The following THSD4 variants were observed in gnomAD, a reference collection of about 807,000 sequenced individuals.
THSD4 encodes thrombospondin type-1 domain-containing protein 4.
Under a neutral mutation model 119.0 loss-of-function variants are expected in THSD4, and 69 were observed. The observed-to-expected ratio is 0.58, with a 90% CI of 0.48 to 0.71. THSD4 has a LOEUF of 0.71. THSD4 is among the 30% of genes least tolerant of loss of function. The pLI, the probability that THSD4 is intolerant of heterozygous loss-of-function variation, is 0.00. For synonymous variants in THSD4, 524 were observed against 540.4 expected (o/e 0.97, Z 0.42); for missense variants, 1,393 against 1,391.1 (o/e 1.00, Z -0.02).
chr15:71,730,750 T>C, intron 9 of THSD4: 1 of 185,500 alleles, frequency 5.4e-6, no homozygotes. Flanking sequence ...CACCTAGTGT[T>C]AAAACAGTTC....
intron 7 of THSD4, among the ~76,000 whole-genome samples, chr15:71,608,601 T>G (rs188712946): frequency 1.2e-3 from 187 of 152,334 alleles, no homozygotes; most frequent in Admixed American, 3.3e-3. Flanking sequence ...TGGCCTTGTT[T>G]CGGATTATGC....
rs921769367 is a variant in THSD4, at chr15:71,512,604, A to G, written c.1152+100781A>G. Among the ~76,000 whole-genome samples, 7 of 152,326 alleles carry G rather than the reference A, an allele frequency of 4.6e-5. No individual in the cohort carries two copies. The East Asian group carries it at 9.6e-4, about 21-fold the overall frequency. ...AGTTTAAGCTAATATTTAACATAGG[A>G]TAAGGACTACTGGTAAATATTGATT... On this transcript the variant is annotated intron_variant, in intron 7 of 17. Coordinates refer to ENST00000261862, the MANE Select transcript of THSD4 (RefSeq NM_024817.3).
chr15:71,407,086 T>G (rs2046619554), intron 6 of THSD4, among the ~76,000 whole-genome samples: 1 of 152,250 alleles, frequency 6.6e-6, no homozygotes, highest in Non-Finnish European at 1.5e-5. Flanking sequence ...GTAACAATTT[T>G]TGTCTTAAAG....
At position 71,170,758 on chromosome 15, in the gene THSD4, T is replaced by C. The variant is rs563870651; in HGVS notation, c.99+15826T>C. ...AAAGCAATTCAGAACTGGCACATAT[T>C]TTAGAATATGAAAACAAAGATATTA... On this transcript the variant is annotated intron_variant, in intron 3 of 17. Coordinates refer to ENST00000261862, the MANE Select transcript of THSD4 (RefSeq NM_024817.3). 2.0e-5 allele frequency among the ~76,000 whole-genome samples: 3 copies of C among 152,274 alleles called. No individual in the cohort carries two copies. The East Asian group carries it at 5.8e-4, about 29-fold the overall frequency.
chr15:71,383,725 G>A (rs770658978), intron 6 of THSD4, among the ~76,000 whole-genome samples: 4 of 151,940 alleles, frequency 2.6e-5, no homozygotes, highest in Non-Finnish European at 5.9e-5. Context: ...ACCATGGATC[G>A]AAAACATTCA....
chr15:71,451,227 G>C (rs1216970829), intron 7 of THSD4, among the ~76,000 whole-genome samples: 1 of 152,182 alleles, frequency 6.6e-6, no homozygotes, highest in African/African-American at 2.4e-5. Flanking sequence ...CAAGTTATGG[G>C]AGGGTGAGTC....
rs1386378370 is a variant in THSD4, at chr15:71,452,517, C to T, written c.1152+40694C>T. On this transcript the variant is annotated intron_variant, in intron 7 of 17. Transcript: ENST00000261862. ...CATGGCTGAAATTGTGGCTCCCCTC[C>T]ACCAAAAAAAAAAAAAAAAAAAAAT... Among the ~76,000 whole-genome samples the T allele has an allele frequency of 2.1e-5, 3 of 141,674 alleles. No homozygotes were observed. In the East Asian group the frequency reaches 5.9e-4, roughly 28 times the overall value. The allele number at this position is 141,674 out of a possible 152,430, so 92.9% of individuals were successfully genotyped here. A position where few individuals can be genotyped will look rare whatever the true frequency, so the allele number is the denominator to read the frequency against.
chr15:71,199,533 TG>T (rs1410019730), intron 3 of THSD4, among the ~76,000 whole-genome samples: 91 of 129,742 alleles, frequency 7.0e-4, no homozygotes, highest in African/African-American at 2.9e-3. Context: ...GTGGGGTGTG[TG>T]GTGTGTGTAT....
chr15:71,559,175 T>A (rs11856193), intron 7 of THSD4, among the ~76,000 whole-genome samples: 124,610 of 152,126 alleles, frequency 0.82, 51,357 homozygotes, highest in African/African-American at 0.87. Context: ...GAAACCTCCC[T>A]CCAGCATCTT....
Position 71,633,961 on chromosome 15 carries a change from C to T in THSD4, c.1153-26569C>T, listed in dbSNP as rs1007914829. On this transcript the variant is annotated intron_variant, in intron 7 of 17. Transcript: ENST00000261862. ...CAGTACTTTGGGAGGCCAAGGCAGG[C>T]GGATCACCTGAGATCAGGAGTTCTA... 9.9e-5 allele frequency among the ~76,000 whole-genome samples: 15 copies of T among 152,216 alleles called. No homozygotes were observed. The East Asian group carries it at 1.6e-3, about 16-fold the overall frequency.
Position 71,547,610 on chromosome 15 carries a change from T to C in THSD4, c.1153-112920T>C, listed in dbSNP as rs1408912155. On this transcript the variant is annotated intron_variant, in intron 7 of 17. Transcript: ENST00000261862. ...CAAAGAGTAATGCTTTATATTACTT[T>C]TGTAGGCTTCTCTTGCCTTTTCTTA... 3.2e-5 allele frequency: 35 copies of C among 1,086,346 alleles called. No homozygotes were observed. The Middle Eastern group carries it at 9.3e-4, about 29-fold the overall frequency. The allele number at this position is 1,086,346 out of a possible 1,614,324, so 67.3% of individuals were successfully genotyped here.
intron 4 of THSD4, among the ~76,000 whole-genome samples, chr15:71,215,897 G>A (rs2043928618): frequency 6.6e-6 from 1 of 152,224 alleles, no homozygotes; most frequent in South Asian, 2.1e-4. Context: ...AACTTTTCTA[G>A]TAAGTTTCTC....
intron 7 of THSD4, among the ~76,000 whole-genome samples, chr15:71,508,960 G>A (rs2048237298): frequency 7.9e-6 from 1 of 126,106 alleles, no homozygotes; most frequent in Non-Finnish European, 1.7e-5. Context: ...TTCAAAAAAG[G>A]AAGCATTTCT....
At chr15:71,385,150 C>G (rs943506633) in intron 6 of THSD4, among the ~76,000 whole-genome samples, 1 of 152,114 alleles carries the variant, frequency 6.6e-6, no homozygotes, top group East Asian at 1.9e-4. Context: ...CAGTTGCTTT[C>G]GTGACTTCCG....
intron 17 of THSD4, among the ~76,000 whole-genome samples, chr15:71,774,023 C>T (rs1216454433): frequency 6.6e-6 from 1 of 152,132 alleles, no homozygotes; most frequent in Non-Finnish European, 1.5e-5. Flanking sequence ...TGAACAAACT[C>T]ACCACAGGGC....
At chr15:71,768,713 C>T (rs1000210821) in intron 16 of THSD4, among the ~76,000 whole-genome samples, 25 of 151,036 alleles carry the variant, frequency 1.7e-4, no homozygotes, top group African/African-American at 5.8e-4. Flanking sequence ...TACAGGTGCC[C>T]ACCACCATGC....
chr15:71,629,623 G>T (rs761599866), intron 7 of THSD4, among the ~76,000 whole-genome samples: 1 of 151,996 alleles, frequency 6.6e-6, no homozygotes, highest in Non-Finnish European at 1.5e-5. Context: ...AGATGCTCAG[G>T]CCCCCTGGTT....
chr15:71,621,516 G>A (rs12442033), intron 7 of THSD4, among the ~76,000 whole-genome samples: 31,814 of 152,034 alleles, frequency 0.21, 3,852 homozygotes, highest in African/African-American at 0.33. Flanking sequence ...GGTAGTTTAC[G>A]GGGATGACAT....
intron 3 of THSD4, among the ~76,000 whole-genome samples, chr15:71,173,736 G>C (rs1307459240): frequency 2.0e-5 from 3 of 151,834 alleles, no homozygotes; most frequent in Non-Finnish European, 2.9e-5. Context: ...AAATAACAAA[G>C]TTGGAGGACT....
Sources: gnomAD v4.1 joint callset for allele counts (sites outside exome capture counted in the v4.1 genomes callset) on GRCh38, gnomAD v4.1.1 for gene constraint, MANE v1.5 for transcripts, NCBI Gene and HGNC (gene_info 2026-07-23, HGNC 2026-07-21) for gene names.